SLC7A11: variants seen among roughly 807,000 people sequenced by gnomAD.
SLC7A11 encodes the protein solute carrier family 7 member 11.
Under a neutral mutation model 54.5 loss-of-function variants are expected in SLC7A11, and 35 were observed. That is an observed-to-expected ratio of 0.64 (90% CI 0.49 to 0.85). The LOEUF is 0.85. Among genes scored for constraint, SLC7A11 ranks in the 40% least tolerant of loss-of-function variants. SLC7A11 has a pLI of 0.00. For synonymous variants in SLC7A11, 230 were observed against 225.2 expected, an observed-to-expected ratio of 1.02 and a Z score of -0.19; for missense variants, 583 against 618.1, an observed-to-expected ratio of 0.94 and a Z score of 0.60.
At chr4:138,222,267 T>C (rs1215264038) in intron 4 of SLC7A11, among the ~76,000 whole-genome samples, 1 of 152,238 alleles carries the variant, frequency 6.6e-6, no homozygotes, top group East Asian at 1.9e-4. Flanking sequence ...TTAATGCTTC[T>C]ACCAACAGTG....
chr4:138,235,429 A>T (rs528531976), intron 2 of SLC7A11, among the ~76,000 whole-genome samples: 18 of 152,182 alleles, frequency 1.2e-4, no homozygotes, highest in Non-Finnish European at 2.5e-4. Context: ...GACTTCTAAC[A>T]CTGTAAAACT....
chr4:138,239,437 C>A (rs571555329), intron 1 of SLC7A11, among the ~76,000 whole-genome samples: 1 of 152,284 alleles, frequency 6.6e-6, no homozygotes, highest in East Asian at 1.9e-4. Context: ...AGATTCTTTA[C>A]AGTTGGTCCC....
intron 6 of SLC7A11, among the ~76,000 whole-genome samples, chr4:138,199,519 G>A (rs760314633): frequency 6.6e-6 from 1 of 152,114 alleles, no homozygotes; most frequent in Non-Finnish European, 1.5e-5. Flanking sequence ...TAAACAATAT[G>A]TGTCCATTAT....
At chr4:138,228,583 TCC>T (rs1453431018) in intron 3 of SLC7A11, among the ~76,000 whole-genome samples, 4 of 151,294 alleles carry the variant, frequency 2.6e-5, no homozygotes, top group Non-Finnish European at 4.4e-5. Flanking sequence ...ATGGTGAAAC[TCC>T]GTCTCTACTA....
intron 6 of SLC7A11, among the ~76,000 whole-genome samples, chr4:138,188,786 C>G (rs1736941002): frequency 6.6e-6 from 1 of 152,152 alleles, no homozygotes; most frequent in Non-Finnish European, 1.5e-5. Context: ...AGGTATCCAC[C>G]AATCCTAAAT....
chr4:138,222,631 T>C (rs4568283), intron 4 of SLC7A11, among the ~76,000 whole-genome samples: 3,133 of 152,338 alleles, frequency 0.021, 113 homozygotes, highest in African/African-American at 0.072. Flanking sequence ...GAAATGCGAA[T>C]TTTATATTAA....
In SLC7A11 at chr4:138,179,395, C is replaced by T. The variant is rs142986192; in HGVS notation, c.1267-1G>A. The T allele has an allele frequency of 8.1e-6, 13 of 1,610,578 alleles. No individual in the cohort carries two copies. The highest frequency in any genetic ancestry group is 9.3e-6 in the Non-Finnish European group (11 of 1,178,346). On this transcript the variant is annotated splice_acceptor_variant, in intron 10 of 11. Transcript: ENST00000280612. LOFTEE classifies it high-confidence loss of function. Reference sequence around the variant, plus strand: ...ACAAAGCTGGGATGAACAGTGGCACCTGGAACACAGAACACAAAAAAGTCA... The same window carrying T: ...ACAAAGCTGGGATGAACAGTGGCACTTGGAACACAGAACACAAAAAAGTCA...
intron 3 of SLC7A11, among the ~76,000 whole-genome samples, chr4:138,225,909 CA>C (rs1737937469): frequency 6.6e-6 from 1 of 151,458 alleles, no homozygotes. Context: ...AAGAGGCAGG[CA>C]GGGAGGAAGG....
chr4:138,212,791 T>C (rs12648155), intron 6 of SLC7A11, among the ~76,000 whole-genome samples: 42,464 of 151,600 alleles, frequency 0.28, 6,686 homozygotes, highest in East Asian at 0.56. Flanking sequence ...TTAAAGATAA[T>C]ATGAATTATA....
At chr4:138,222,910 T>G (rs912010098) in intron 4 of SLC7A11, among the ~76,000 whole-genome samples, 4,744 of 28,044 alleles carry the variant, frequency 0.17, 113 homozygotes, top group African/African-American at 0.36. Context: ...AGTGGCAGGT[T>G]TTTTTTTTTT....
chr4:138,211,624 G>A (rs1022248060), intron 6 of SLC7A11, among the ~76,000 whole-genome samples: 2 of 151,830 alleles, frequency 1.3e-5, no homozygotes, highest in African/African-American at 2.4e-5. Flanking sequence ...CCAAAATATG[G>A]AATCAATCTA....
intron 1 of SLC7A11, among the ~76,000 whole-genome samples, chr4:138,241,009 T>C (rs1255985517): frequency 1.3e-5 from 2 of 152,160 alleles, no homozygotes; most frequent in Non-Finnish European, 2.9e-5. Flanking sequence ...TTCAGATTAA[T>C]TTAGTGAACA....
intron 5 of SLC7A11, among the ~76,000 whole-genome samples, chr4:138,216,102 T>C (rs1028872141): frequency 6.6e-6 from 1 of 152,170 alleles, no homozygotes; most frequent in Non-Finnish European, 1.5e-5. Flanking sequence ...GACCATGATA[T>C]TCTCTTTGGT....
intron 6 of SLC7A11, among the ~76,000 whole-genome samples, chr4:138,185,638 C>T (rs1160795371): frequency 6.6e-6 from 1 of 152,134 alleles, no homozygotes; most frequent in Non-Finnish European, 1.5e-5. Flanking sequence ...CTTATATGTT[C>T]CTAGGTGATT....
intron 1 of SLC7A11, among the ~76,000 whole-genome samples, chr4:138,240,290 G>C (rs943306537): frequency 4.6e-5 from 7 of 151,938 alleles, no homozygotes; most frequent in Non-Finnish European, 1.0e-4. Context: ...TTGAGGACCG[G>C]GCGCGGTGGC....
chr4:138,189,317 G>A (rs1261315152), intron 6 of SLC7A11, among the ~76,000 whole-genome samples: 1 of 152,074 alleles, frequency 6.6e-6, no homozygotes, highest in Admixed American at 6.6e-5. Flanking sequence ...GAAGGAGCAT[G>A]GGCAAACAAA....
chr4:138,193,569 A>C (rs968208906), intron 6 of SLC7A11, among the ~76,000 whole-genome samples: 1 of 152,138 alleles, frequency 6.6e-6, no homozygotes, highest in African/African-American at 2.4e-5. Flanking sequence ...TGGGAGGCTG[A>C]GGCGGGTGGA....
At chr4:138,241,769 C>T (rs1407779352) in intron 1 of SLC7A11, 24 bp downstream of exon 1, 1 of 1,566,792 alleles carries the variant, frequency 6.4e-7, no homozygotes, top group Non-Finnish European at 8.8e-7. Flanking sequence ...GCCACGCCCC[C>T]ACGAGAGAAA....
intron 7 of SLC7A11, 101 bp from the exon 8 acceptor site, chr4:138,183,406 G>T (rs754934739): frequency 2.8e-6 from 2 of 726,718 alleles, no homozygotes; most frequent in Non-Finnish European, 4.9e-6. Flanking sequence ...TATTAGCCTG[G>T]TGATACTTGT....
Sources: allele counts gnomAD v4.1 joint callset (sites outside exome capture counted in the v4.1 genomes callset), GRCh38; gene constraint gnomAD v4.1.1; transcripts MANE v1.5; gene names NCBI Gene and HGNC (gene_info 2026-07-23, HGNC 2026-07-21).